The following RTTN variants were observed in gnomAD, a reference collection of about 807,000 sequenced individuals.
RTTN encodes rotatin.
Under a neutral mutation model 269.2 loss-of-function variants are expected in RTTN, and 182 were observed. The observed-to-expected ratio is 0.68, with a 90% CI of 0.60 to 0.76. The LOEUF (loss-of-function observed/expected upper bound fraction) is 0.76. RTTN is among the 30% of genes least tolerant of loss of function. The pLI is 0.00. For synonymous variants in RTTN, 1,006 were observed against 963.5 expected (o/e 1.04, Z -0.82); for missense variants, 2,545 against 2,608.6 (o/e 0.98, Z 0.53).
intron 10 of RTTN, among the ~76,000 whole-genome samples, chr18:70,178,429 T>TC (rs2061351694): frequency 1.3e-5 from 2 of 152,200 alleles, no homozygotes; most frequent in African/African-American, 4.8e-5. Flanking sequence ...GGTTATTGTT[T>TC]AATGGGTACA....
intron 26 of RTTN, among the ~76,000 whole-genome samples, chr18:70,114,834 C>G (rs2059563265): frequency 6.6e-6 from 1 of 151,860 alleles, no homozygotes; most frequent in Admixed American, 6.6e-5. Context: ...AAAAACAAAA[C>G]CACACATAAT....
At chr18:70,017,148 A>T (rs922457565) in intron 46 of RTTN, among the ~76,000 whole-genome samples, 10 of 152,102 alleles carry the variant, frequency 6.6e-5, no homozygotes, top group Middle Eastern at 3.4e-3. Flanking sequence ...AAGGCCAGGG[A>T]GCCCTCGTCC....
At chr18:70,089,975 A>G (rs1186040801) in intron 30 of RTTN, among the ~76,000 whole-genome samples, 1 of 152,218 alleles carries the variant, frequency 6.6e-6, no homozygotes, top group Non-Finnish European at 1.5e-5. Flanking sequence ...AAAAAATGAG[A>G]AAGCTTGTTC....
chr18:70,139,665 A>G lies in RTTN; in HGVS notation c.2722T>C (p.Cys908Arg). 2 of 1,613,660 alleles carry G rather than the reference A, an allele frequency of 1.2e-6. No homozygotes were observed. The highest frequency in any genetic ancestry group is 1.1e-5 in the South Asian group (1 of 91,054). Residue 908 changes from cysteine to arginine, a missense_variant, in exon 21 of 49, where the codon TGT becomes CGT. Coordinates refer to ENST00000640769, the MANE Select transcript of RTTN (RefSeq NM_173630.4). Reference sequence around the variant, plus strand: ...GAAACACGCATGACTGGATCACCACATAAAACCTTCCTCAAGAGTGTGAGG... The same window carrying G: ...GAAACACGCATGACTGGATCACCACGTAAAACCTTCCTCAAGAGTGTGAGG... Reference protein sequence around the residue: ...PCLTLLRKVLCGDPVMRVSLS... With the variant: ...PCLTLLRKVLRGDPVMRVSLS...
chr18:70,067,665 G>A (rs1005393852), intron 34 of RTTN, among the ~76,000 whole-genome samples: 8 of 152,102 alleles, frequency 5.3e-5, no homozygotes, highest in African/African-American at 1.7e-4. Flanking sequence ...AAAGTTAAGG[G>A]GATAATGATG....
At chr18:70,153,689 T>C (rs541874313) in intron 14 of RTTN, among the ~76,000 whole-genome samples, 1 of 152,316 alleles carries the variant, frequency 6.6e-6, no homozygotes, top group African/African-American at 2.4e-5. Flanking sequence ...CAGAAGACAC[T>C]GGAATAATAT....
rs781545714 is a variant in RTTN, at chr18:70,127,693, C to T, written c.3192G>A (p.Lys1064=). Residue 1064 remains lysine (K), a synonymous_variant, in exon 25 of 49, where the codon AAG becomes AAA. Coordinates refer to ENST00000640769, the MANE Select transcript of RTTN (RefSeq NM_173630.4). The part of the protein sequence containing the change: ...KLSTEDILTL[K]ITHMASGLQD... ...GCAGCCCACTAGCCATGTGTGTTATCTTCAGAGTGAGGATGTCCTCTGTAG... is the reference window on the plus strand; with the variant it reads ...GCAGCCCACTAGCCATGTGTGTTATTTTCAGAGTGAGGATGTCCTCTGTAG... 1 of 1,613,258 alleles carries T rather than the reference C, an allele frequency of 6.2e-7. No homozygotes were observed. Among genetic ancestry groups the T allele is most frequent in the South Asian group, 1.1e-5 (1 of 91,062 alleles).
chr18:70,016,005 A>AGG (rs2056527103), intron 46 of RTTN, among the ~76,000 whole-genome samples: 1 of 152,122 alleles, frequency 6.6e-6, no homozygotes, highest in Admixed American at 6.5e-5. Flanking sequence ...ACAGTGGGAG[A>AGG]GGATGGAAAT....
At chr18:70,152,685 C>G (rs1314225152) in intron 14 of RTTN, among the ~76,000 whole-genome samples, 2 of 152,032 alleles carry the variant, frequency 1.3e-5, no homozygotes, top group Non-Finnish European at 2.9e-5. Flanking sequence ...CTCTCTATCT[C>G]CTACTCTCAT....
intron 35 of RTTN, among the ~76,000 whole-genome samples, chr18:70,064,740 A>T (rs2144951756): frequency 6.6e-6 from 1 of 152,326 alleles, no homozygotes; most frequent in Non-Finnish European, 1.5e-5. Flanking sequence ...AGATGATGGA[A>T]ATATCCTAAA....
At chr18:70,176,647 T>G in intron 11 of RTTN, 28 bp downstream of exon 11, 3 of 1,599,968 alleles carry the variant, frequency 1.9e-6, no homozygotes, top group Non-Finnish European at 2.6e-6. Flanking sequence ...GTCTGTAAAG[T>G]ACAAATGAGC....
At chr18:70,188,839 G>C (rs1400825942) in intron 9 of RTTN, among the ~76,000 whole-genome samples, 1 of 147,894 alleles carries the variant, frequency 6.8e-6, no homozygotes, top group Non-Finnish European at 1.5e-5. Flanking sequence ...TCCTGTGTGA[G>C]ACGAACATTC....
chr18:70,085,359 T>C (rs1178615267), intron 32 of RTTN, among the ~76,000 whole-genome samples: 2 of 152,150 alleles, frequency 1.3e-5, no homozygotes, highest in Non-Finnish European at 2.9e-5. Context: ...TTGTAAAGTT[T>C]GGAGAGGTAA....
At chr18:70,016,146 A>G (rs1257361129) in intron 46 of RTTN, among the ~76,000 whole-genome samples, 1 of 152,212 alleles carries the variant, frequency 6.6e-6, no homozygotes, top group Non-Finnish European at 1.5e-5. Flanking sequence ...ACATCCTTCT[A>G]TATCATATCT....
intron 26 of RTTN, among the ~76,000 whole-genome samples, chr18:70,121,253 C>T (rs951438034): frequency 1.6e-4 from 24 of 152,112 alleles, no homozygotes; most frequent in African/African-American, 5.6e-4. Context: ...TGGACATCCA[C>T]CCTGTCCCCT....
At chr18:70,111,081 C>G (rs1165731037) in intron 27 of RTTN, among the ~76,000 whole-genome samples, 1 of 152,196 alleles carries the variant, frequency 6.6e-6, no homozygotes, top group Non-Finnish European at 1.5e-5. Context: ...AGATAAAACC[C>G]CCATCTCCCT....
intron 36 of RTTN, 99 bp from the exon 37 acceptor site, chr18:70,057,931 A>C: frequency 1.4e-6 from 1 of 710,130 alleles, no homozygotes; most frequent in Non-Finnish European, 2.3e-6. Context: ...ACTCGAATAC[A>C]ATTCAAGAGA....
At chr18:70,197,204 G>A (rs992562264) in intron 6 of RTTN, among the ~76,000 whole-genome samples, 1 of 152,034 alleles carries the variant, frequency 6.6e-6, no homozygotes. Flanking sequence ...TACTATACAA[G>A]CAATAAACTA....
At chr18:70,165,373 T>C (rs963322876) in intron 14 of RTTN, among the ~76,000 whole-genome samples, 1 of 151,672 alleles carries the variant, frequency 6.6e-6, no homozygotes, top group Non-Finnish European at 1.5e-5. Context: ...ACACCAGCTG[T>C]GTAAGAGTGG....
Sources: gnomAD v4.1 joint callset for allele counts (sites outside exome capture counted in the v4.1 genomes callset) on GRCh38, gnomAD v4.1.1 for gene constraint, MANE v1.5 for transcripts, NCBI Gene and HGNC (gene_info 2026-07-23, HGNC 2026-07-21) for gene names.